Variants in MYT1L observed in about 807,000 individuals in gnomAD.
MYT1L encodes the protein myelin transcription factor 1 like, also known as myelin transcription factor 1-like protein.
In MYT1L, 12 loss-of-function variants were observed where a neutral mutation model predicts 126.7. The observed-to-expected ratio is 0.09, with a 90% CI of 0.06 to 0.15. MYT1L has a LOEUF of 0.15. Among genes scored for constraint, MYT1L ranks in the 10% least tolerant of loss-of-function variants. The pLI is 1.00. For synonymous variants in MYT1L, 541 were observed against 604.2 expected (o/e 0.90, Z 1.53); for missense variants, 979 against 1,585.2 (o/e 0.62, Z 6.49).
intron 21 of MYT1L, among the ~76,000 whole-genome samples, chr2:1,834,428 C>A (rs764036511): frequency 6.6e-6 from 1 of 152,188 alleles, no homozygotes; most frequent in East Asian, 1.9e-4. Context: ...TAATATTCTG[C>A]CTATCTATTA....
chr2:1,814,019 T>C (rs1572478307), intron 21 of MYT1L, among the ~76,000 whole-genome samples: 1 of 108,656 alleles, frequency 9.2e-6, no homozygotes. Context: ...AGAGCGAGAC[T>C]CCGTCCCCAA....
intron 2 of MYT1L, among the ~76,000 whole-genome samples, chr2:2,245,801 T>C (rs2094523740): frequency 6.6e-6 from 1 of 152,174 alleles, no homozygotes; most frequent in African/African-American, 2.4e-5. Flanking sequence ...TTCTGATCCA[T>C]TCTTCCAATC....
At chr2:2,090,040 A>G (rs2076751660) in intron 3 of MYT1L, among the ~76,000 whole-genome samples, 1 of 152,142 alleles carries the variant, frequency 6.6e-6, no homozygotes, top group African/African-American at 2.4e-5. Context: ...TCCCCATCCC[A>G]TCCCTCTGCA....
intron 3 of MYT1L, among the ~76,000 whole-genome samples, chr2:2,076,559 A>T (rs1228502039): frequency 6.6e-6 from 1 of 152,240 alleles, no homozygotes; most frequent in Non-Finnish European, 1.5e-5. Context: ...AAAAGAAAAA[A>T]GGTACCAGAG....
At chr2:1,861,934 T>A (rs2044711916) in intron 18 of MYT1L, among the ~76,000 whole-genome samples, 1 of 152,272 alleles carries the variant, frequency 6.6e-6, no homozygotes, top group Admixed American at 6.5e-5. Context: ...GCAGCCTGTG[T>A]AATCCTGGAT....
At chr2:1,964,453 T>A (rs1194445712) in intron 8 of MYT1L, among the ~76,000 whole-genome samples, 1 of 152,168 alleles carries the variant, frequency 6.6e-6, no homozygotes, top group Non-Finnish European at 1.5e-5. Context: ...AAACCTTCAG[T>A]TTGTACAAAT....
At chr2:2,295,641 GAGAGAT>G (rs2095669152) in intron 1 of MYT1L, among the ~76,000 whole-genome samples, 4 of 144,486 alleles carry the variant, frequency 2.8e-5, no homozygotes, top group Non-Finnish European at 6.1e-5. Flanking sequence ...CAGACAGAGA[GAGAGAT>G]AGAGAGACAG....
intron 3 of MYT1L, among the ~76,000 whole-genome samples, chr2:2,147,866 G>A (rs1029591889): frequency 3.3e-5 from 5 of 152,222 alleles, no homozygotes; most frequent in Non-Finnish European, 5.9e-5. Flanking sequence ...ATCTGGTACC[G>A]TGTCTCCTGG....
At chr2:2,324,418 A>T (rs1436181398) in intron 1 of MYT1L, 1 of 152,524 alleles carries the variant, frequency 6.6e-6, no homozygotes, top group Non-Finnish European at 1.5e-5. Context: ...TCATCCAATC[A>T]ACTTTCCACT....
chr2:2,075,375 C>T (rs1379609432), intron 3 of MYT1L, among the ~76,000 whole-genome samples: 1 of 152,148 alleles, frequency 6.6e-6, no homozygotes, highest in African/African-American at 2.4e-5. Context: ...ACACCCTCAC[C>T]ATGTGCATGT....
At position 1,956,433 on chromosome 2, in the gene MYT1L, T is replaced by TCTATCTATCTATCTAC. The variant is rs1403332827; in HGVS notation, c.153-13100_153-13099insGTAGATAGATAGATAG. ...ATCTATCTATCTATCTATCTATCTA[T>TCTATCTATCTATCTAC]CTATCTACCTATCATCTATCTATCC... is the stretch of plus-strand genomic sequence containing the variant. On this transcript the variant is annotated intron_variant, in intron 8 of 24. Coordinates refer to ENST00000647738, the MANE Select transcript of MYT1L (RefSeq NM_001303052.2). 1.2e-3 allele frequency among the ~76,000 whole-genome samples: 172 copies of TCTATCTATCTATCTAC among 140,266 alleles called. 15 individuals carry two copies. Among genetic ancestry groups the TCTATCTATCTATCTAC allele is most frequent in the Non-Finnish European group, 8.6e-4 (57 of 66,230 alleles). 92.0% of individuals were successfully genotyped at this position (140,266 alleles called of 152,430 possible).
intron 3 of MYT1L, among the ~76,000 whole-genome samples, chr2:2,169,960 A>G (rs1356133563): frequency 6.6e-6 from 1 of 152,228 alleles, no homozygotes; most frequent in African/African-American, 2.4e-5. Context: ...GCATAAACGC[A>G]CTAGAAACAT....
intron 2 of MYT1L, among the ~76,000 whole-genome samples, chr2:2,265,206 T>G (rs1349600816): frequency 1.3e-5 from 2 of 151,968 alleles, no homozygotes; most frequent in African/African-American, 4.8e-5. Flanking sequence ...TTAGTAGAGA[T>G]GGGGTTGGCC....
intron 2 of MYT1L, among the ~76,000 whole-genome samples, chr2:2,268,019 G>T (rs970384524): frequency 6.6e-6 from 1 of 152,144 alleles, no homozygotes; most frequent in Non-Finnish European, 1.5e-5. Context: ...ATTAATAAAA[G>T]ATGAGATTCG....
At chr2:2,121,373 C>T (rs956422629) in intron 3 of MYT1L, among the ~76,000 whole-genome samples, 8 of 151,840 alleles carry the variant, frequency 5.3e-5, no homozygotes, top group African/African-American at 1.5e-4. Flanking sequence ...GACGGGGTTT[C>T]ACTATGTTGG....
intron 3 of MYT1L, among the ~76,000 whole-genome samples, chr2:2,142,062 T>A (rs1409627208): frequency 6.6e-6 from 1 of 152,216 alleles, no homozygotes; most frequent in African/African-American, 2.4e-5. Flanking sequence ...ATTACTTCTG[T>A]CTACCTTTTC....
At chr2:2,264,400 C>A (rs73913300) in intron 2 of MYT1L, among the ~76,000 whole-genome samples, 1 of 151,956 alleles carries the variant, frequency 6.6e-6, no homozygotes, top group Non-Finnish European at 1.5e-5. Flanking sequence ...CAAACCCCAC[C>A]CCCAAAAAAA....
chr2:2,252,938 C>G (rs139387261), intron 2 of MYT1L, among the ~76,000 whole-genome samples: 359 of 152,266 alleles, frequency 2.4e-3, no homozygotes, highest in Middle Eastern at 6.8e-3. Context: ...CCTGAATCCT[C>G]ATTTACATCT....
chr2:2,037,289 C>T (rs975789726), intron 4 of MYT1L, among the ~76,000 whole-genome samples: 2 of 152,294 alleles, frequency 1.3e-5, no homozygotes, highest in Non-Finnish European at 1.5e-5. Context: ...AAAGTGCCCA[C>T]GTTATTTCCC....
Sources: allele counts gnomAD v4.1 joint callset (sites outside exome capture counted in the v4.1 genomes callset), GRCh38; gene constraint gnomAD v4.1.1; transcripts MANE v1.5; gene names NCBI Gene and HGNC (gene_info 2026-07-23, HGNC 2026-07-21).